CIT: variants seen among roughly 807,000 people sequenced by gnomAD.
CIT encodes the protein citron rho-interacting serine/threonine kinase.
CIT carries 79 observed loss-of-function variants against 272.7 expected under a neutral mutation model. The observed-to-expected ratio is 0.29, with a 90% CI of 0.24 to 0.35. The LOEUF (loss-of-function observed/expected upper bound fraction) is 0.35, where lower values mean the gene tolerates loss of function less well. Among genes scored for constraint, CIT ranks in the 10% least tolerant of loss-of-function variants. The probability of loss-of-function intolerance (pLI) is 1.00; values close to 1 mark genes in which losing one functional copy is unlikely to be tolerated. For synonymous variants in CIT, 948 were observed against 995.6 expected (o/e 0.95, Z 0.90); for missense variants, 1,909 against 2,618.3 (o/e 0.73, Z 5.91).
At chr12:119,749,782 G>C (rs1037035639) in intron 23 of CIT, among the ~76,000 whole-genome samples, 1 of 151,852 alleles carries the variant, frequency 6.6e-6, no homozygotes, top group Non-Finnish European at 1.5e-5. Context: ...AAATTAAGTC[G>C]TGACTTGCTG....
intron 5 of CIT, among the ~76,000 whole-genome samples, chr12:119,848,857 C>T (rs1043874067): frequency 6.6e-6 from 1 of 152,056 alleles, no homozygotes; most frequent in African/African-American, 2.4e-5. Flanking sequence ...AAAACCCCGT[C>T]TCTACTAAAA....
At chr12:119,761,323 G>A (rs1961763348) in intron 19 of CIT, among the ~76,000 whole-genome samples, 1 of 152,198 alleles carries the variant, frequency 6.6e-6, no homozygotes, top group South Asian at 2.1e-4. Context: ...CCAAAGACCA[G>A]AGAGATATAT....
Position 119,876,073 on chromosome 12 carries a change from C to A in CIT, c.96G>T (p.Gln32His). The A allele has an allele frequency of 6.2e-7, 1 of 1,610,732 alleles. No homozygotes were observed. Among genetic ancestry groups the A allele is most frequent in the South Asian group, 1.1e-5 (1 of 90,954 alleles). ...CAAAGTTGGCAGGGTAGGCTGTTACCTGGAAGAACAGATTCAGCCTGGAGG... is the reference window on the plus strand; with the variant it reads ...CAAAGTTGGCAGGGTAGGCTGTTACATGGAAGAACAGATTCAGCCTGGAGG... ...SRASRLNLFFQGKPPFMTQQQ... is the reference protein window; with the variant it reads ...SRASRLNLFFHGKPPFMTQQQ... The change falls in exon 2 of 48, where the codon CAG (glutamine) becomes CAT (histidine). Residue 32 changes from glutamine (Q) to histidine (H), a missense_variant and splice_region_variant. Gln to His is a conservative substitution (Grantham distance 24). Coordinates refer to ENST00000392521, the MANE Select transcript of CIT (RefSeq NM_001206999.2).
At chr12:119,726,536 G>A (rs114651384) in intron 28 of CIT, among the ~76,000 whole-genome samples, 110 of 151,554 alleles carry the variant, frequency 7.3e-4, no homozygotes, top group African/African-American at 2.3e-3. Flanking sequence ...ATACTCACCC[G>A]CAAAAATGTC....
intron 7 of CIT, among the ~76,000 whole-genome samples, chr12:119,830,399 G>A (rs1047396115): frequency 6.6e-6 from 1 of 151,834 alleles, no homozygotes; most frequent in African/African-American, 2.4e-5. Context: ...TGGGAACCCT[G>A]TCTCTCCACC....
At position 119,710,440 on chromosome 12, in the gene CIT, C is replaced by T. The variant is rs989958327; in HGVS notation, c.4936-54G>A. On this transcript the variant is annotated intron_variant, in intron 38 of 47. Transcript: ENST00000392521. This position sits in a 1 kb window ranked among gnomAD's most constrained non-coding sequence, Gnocchi z 5.6. Reference sequence around the variant, plus strand: ...CATAAGCACGGTCACGTCACCAGAACAATCTCTAGTAAGAGCAACAAGGCC... The same window carrying T: ...CATAAGCACGGTCACGTCACCAGAATAATCTCTAGTAAGAGCAACAAGGCC... The T allele has an allele frequency of 1.4e-5, 23 of 1,613,120 alleles. No individual in the cohort carries two copies. In the South Asian group the frequency reaches 2.2e-4, roughly 15 times the overall value.
chr12:119,859,202 A>G (rs1342327067), intron 3 of CIT, among the ~76,000 whole-genome samples: 2 of 152,204 alleles, frequency 1.3e-5, no homozygotes, highest in African/African-American at 4.8e-5. Context: ...ATTACACACC[A>G]AGGGCAATGC....
intron 10 of CIT, among the ~76,000 whole-genome samples, chr12:119,791,522 G>T (rs191581903): frequency 6.6e-6 from 1 of 152,268 alleles, no homozygotes; most frequent in Admixed American, 6.5e-5. Context: ...CTCTGGGCTC[G>T]ACGAGATGCA....
At chr12:119,812,102 T>A (rs1473409808) in intron 9 of CIT, among the ~76,000 whole-genome samples, 1 of 151,992 alleles carries the variant, frequency 6.6e-6, no homozygotes, top group Non-Finnish European at 1.5e-5. Flanking sequence ...CCTGCCACCA[T>A]GCCTGGATAC....
At chr12:119,868,240 T>C (rs886298556) in intron 3 of CIT, among the ~76,000 whole-genome samples, 1 of 152,130 alleles carries the variant, frequency 6.6e-6, no homozygotes, top group African/African-American at 2.4e-5. Flanking sequence ...ACAAAAATTA[T>C]ATTTTATGAC....
At chr12:119,704,565 C>A in intron 40 of CIT, 110 bp from the exon 41 acceptor site, 1 of 937,926 alleles carries the variant, frequency 1.1e-6, no homozygotes, top group Non-Finnish European at 1.7e-6. Flanking sequence ...CAGACCAGAT[C>A]ATTCTGTGTG....
At chr12:119,871,120 A>AG (rs1950664656) in intron 2 of CIT, among the ~76,000 whole-genome samples, 1 of 149,242 alleles carries the variant, frequency 6.7e-6, no homozygotes, top group African/African-American at 2.5e-5. Flanking sequence ...GTCTGTCTTA[A>AG]AAAAAAAAAA....
chr12:119,821,310 G>A (rs199506414), intron 9 of CIT, among the ~76,000 whole-genome samples: 5 of 150,622 alleles, frequency 3.3e-5, no homozygotes, highest in African/African-American at 9.7e-5. Context: ...AAAAAAAAAA[G>A]AATTTTTTAA....
intron 37 of CIT, chr12:119,711,020 C>T (rs370250419): frequency 2.9e-6 from 4 of 1,367,088 alleles, no homozygotes; most frequent in South Asian, 2.3e-5. Flanking sequence ...GTGTTAGCAG[C>T]GAGCCAGCAC....
chr12:119,852,856 CTG>C (rs1970320591), intron 4 of CIT, among the ~76,000 whole-genome samples: 1 of 151,404 alleles, frequency 6.6e-6, no homozygotes, highest in Non-Finnish European at 1.5e-5. Flanking sequence ...TATATACATT[CTG>C]TGTGTGTGTA....
chr12:119,758,724 A>C lies in CIT; in HGVS notation c.2422-24T>G, dbSNP rs748988716. The C allele has an allele frequency of 2.7e-6, 4 of 1,456,186 alleles. No individual in the cohort carries two copies. The African/African-American group carries it at 5.6e-5, about 20-fold the overall frequency. 90.2% of individuals were successfully genotyped at this position (1,456,186 alleles called of 1,614,324 possible). A position where few individuals can be genotyped will look rare whatever the true frequency, so the allele number is the denominator to read the frequency against. On this transcript the variant is annotated intron_variant, in intron 20 of 47. Coordinates refer to ENST00000392521, the MANE Select transcript of CIT (RefSeq NM_001206999.2). The stretch of plus-strand genomic sequence containing the variant: ...ATCTGAAACACAGGGCACCTATGAA[A>C]CTTCACACACCAGAACAGGAGTAAC...
At chr12:119,706,272 A>G (rs150525094) in intron 40 of CIT, among the ~76,000 whole-genome samples, 1 of 150,874 alleles carries the variant, frequency 6.6e-6, no homozygotes, top group Non-Finnish European at 1.5e-5. Context: ...ACCCGCAAAC[A>G]CTCTTTTTTA....
intron 46 of CIT, among the ~76,000 whole-genome samples, chr12:119,691,711 A>G (rs1054731151): frequency 1.8e-4 from 27 of 152,238 alleles, no homozygotes; most frequent in Non-Finnish European, 2.8e-4. Flanking sequence ...TGAAGATTTC[A>G]GCAGACCCAG....
chr12:119,803,083 G>A lies in CIT; in HGVS notation c.1295+123C>T, dbSNP rs942640289. 7.2e-6 allele frequency: 5 copies of A among 690,336 alleles called. No homozygotes were observed. The Admixed American group carries it at 1.4e-4, about 20-fold the overall frequency. 42.8% of individuals were successfully genotyped at this position (690,336 alleles called of 1,614,324 possible). ...CAGGTAGACTGCTTTCCCAATGCAG[G>A]TGACTAGCAGCTTCCCTCCACTGCA... is the stretch of plus-strand genomic sequence containing the variant. On this transcript the variant is annotated intron_variant, in intron 10 of 47. Coordinates refer to ENST00000392521, the MANE Select transcript of CIT (RefSeq NM_001206999.2).
Sources: gnomAD v4.1 joint callset for allele counts (sites outside exome capture counted in the v4.1 genomes callset) on GRCh38, gnomAD v4.1.1 for gene constraint, Gnocchi (gnomAD v3.1) non-coding constraint, MANE v1.5 for transcripts, NCBI Gene and HGNC (gene_info 2026-07-23, HGNC 2026-07-21) for gene names.